GRIN2A: variants seen among roughly 807,000 people sequenced by gnomAD.
GRIN2A encodes glutamate receptor ionotropic, NMDA 2A.
Under a neutral mutation model 113.4 loss-of-function variants are expected in GRIN2A, and 22 were observed. The ratio of observed to expected loss-of-function variants is 0.19; its 90% CI spans 0.14 to 0.28. GRIN2A has a LOEUF of 0.28. Ranked by LOEUF, GRIN2A falls within the 10% of genes least tolerant of loss-of-function variation. GRIN2A has a pLI of 1.00. For synonymous variants in GRIN2A, 827 were observed against 738.4 expected, an observed-to-expected ratio of 1.12 and a Z score of -1.94; for missense variants, 1,502 against 1,887.0, an observed-to-expected ratio of 0.80 and a Z score of 3.78.
intron 5 of GRIN2A, among the ~76,000 whole-genome samples, chr16:9,841,908 T>C (rs565437022): frequency 6.6e-6 from 1 of 152,334 alleles, no homozygotes; most frequent in African/African-American, 2.4e-5. Flanking sequence ...TGTATTCACC[T>C]GAACAAGACA....
At chr16:10,023,386 G>C (rs1489743599) in intron 2 of GRIN2A, among the ~76,000 whole-genome samples, 2 of 152,132 alleles carry the variant, frequency 1.3e-5, no homozygotes, top group Non-Finnish European at 2.9e-5. Flanking sequence ...ATTCAGGTGT[G>C]GTTTTTACAA....
intron 11 of GRIN2A, among the ~76,000 whole-genome samples, chr16:9,788,802 G>C (rs1477198239): frequency 1.4e-5 from 2 of 147,674 alleles, no homozygotes; most frequent in Non-Finnish European, 3.0e-5. Flanking sequence ...GAGTGCAGTG[G>C]CGCGAACTCG....
At chr16:10,095,465 A>C (rs2048270186) in intron 2 of GRIN2A, among the ~76,000 whole-genome samples, 1 of 152,244 alleles carries the variant, frequency 6.6e-6, no homozygotes, top group African/African-American at 2.4e-5. Context: ...AAAGTATAAA[A>C]GTAAAAATAA....
At position 10,156,292 on chromosome 16, in the gene GRIN2A, G is replaced by A. The variant is rs2049693200; in HGVS notation, c.414+23706C>T. 2.0e-5 allele frequency among the ~76,000 whole-genome samples: 3 copies of A among 152,382 alleles called. No homozygotes were observed. The South Asian group carries it at 6.2e-4, about 32-fold the overall frequency. On this transcript the variant is annotated intron_variant, in intron 2 of 12. Transcript: ENST00000330684. ...ATGCTGGGCTGCCTGATCATCGCATGTGGTCAGCTGTGTAGCAGAATATAA... is the reference window on the plus strand; with the variant it reads ...ATGCTGGGCTGCCTGATCATCGCATATGGTCAGCTGTGTAGCAGAATATAA...
chr16:9,789,446 A>G lies in GRIN2A; in HGVS notation c.2356+8831T>C, dbSNP rs1055369660. 2.5e-4 allele frequency among the ~76,000 whole-genome samples: 38 copies of G among 152,216 alleles called. 1 individual carries two copies. The highest frequency in any genetic ancestry group is 9.1e-4 in the African/African-American group (38 of 41,538). Reference sequence around the variant, plus strand: ...ATCTGGTGGACATGGAAGAACCATGAGTTCTGACTTATGTTGCTGACTATT... The same window carrying G: ...ATCTGGTGGACATGGAAGAACCATGGGTTCTGACTTATGTTGCTGACTATT... On this transcript the variant is annotated intron_variant, in intron 11 of 12. Transcript: ENST00000330684.
intron 7 of GRIN2A, among the ~76,000 whole-genome samples, chr16:9,838,315 G>T (rs1433085475): frequency 6.6e-6 from 1 of 152,104 alleles, no homozygotes; most frequent in Admixed American, 6.6e-5. Flanking sequence ...CAAAGGAAAA[G>T]AAGTTATTAT....
intron 2 of GRIN2A, among the ~76,000 whole-genome samples, chr16:10,065,734 GC>G (rs1216747446): frequency 1.3e-5 from 2 of 152,168 alleles, no homozygotes; most frequent in Non-Finnish European, 2.9e-5. Flanking sequence ...TGAATGCTAA[GC>G]TGGAAGAGGA....
At chr16:9,913,429 C>T (rs951045379) in intron 3 of GRIN2A, among the ~76,000 whole-genome samples, 2 of 152,124 alleles carry the variant, frequency 1.3e-5, no homozygotes, top group Non-Finnish European at 2.9e-5. Flanking sequence ...TAGACATTTG[C>T]TACAACGCAT....
intron 12 of GRIN2A, 123 bp downstream of exon 12, chr16:9,768,728 T>C (rs1040795796): frequency 1.3e-6 from 1 of 791,428 alleles, no homozygotes; most frequent in Non-Finnish European, 2.3e-6. Flanking sequence ...CTGGATGCTC[T>C]TGTGACATGC....
intron 2 of GRIN2A, among the ~76,000 whole-genome samples, chr16:10,164,208 T>C (rs2049861165): frequency 1.3e-5 from 2 of 152,232 alleles, no homozygotes; most frequent in South Asian, 4.1e-4. Context: ...TAATATTTAC[T>C]GAATAAATGT....
intron 4 of GRIN2A, among the ~76,000 whole-genome samples, chr16:9,860,771 G>A (rs2043054328): frequency 6.6e-6 from 1 of 152,124 alleles, no homozygotes. Flanking sequence ...GAGATGGGCT[G>A]TAGGGGTGGG....
intron 2 of GRIN2A, among the ~76,000 whole-genome samples, chr16:10,014,996 G>A (rs1472958945): frequency 2.0e-5 from 3 of 152,120 alleles, no homozygotes; most frequent in African/African-American, 7.2e-5. Context: ...GCTCATGCCT[G>A]TAATCCCAGC....
In GRIN2A at chr16:9,938,107, T is replaced by G; in HGVS notation, c.859A>C (p.Ser287Arg). 6.2e-7 allele frequency: 1 copy of G among 1,614,080 alleles called. No individual in the cohort carries two copies. The highest frequency in any genetic ancestry group is 8.5e-7 in the Non-Finnish European group (1 of 1,179,966). The stretch of plus-strand genomic sequence containing the variant: ...CCGTCCCTCACTCTCGCCTCCAGGC[T>G]GTAGTCCCAGTCATCGTAGGAGACA... ...ISVSYDDWDY[S>R]LEARVRDGIG... Residue 287 changes from serine to arginine, a missense_variant, in exon 3 of 13, where the codon AGC becomes CGC. Ser to Arg is a moderately radical substitution (Grantham distance 110, BLOSUM62 -1). Coordinates refer to ENST00000330684, the MANE Select transcript of GRIN2A (RefSeq NM_001134407.3).
chr16:10,097,998 A>C (rs2142099992), intron 2 of GRIN2A, among the ~76,000 whole-genome samples: 1 of 152,352 alleles, frequency 6.6e-6, no homozygotes, highest in Non-Finnish European at 1.5e-5. Flanking sequence ...CAGCAGACTA[A>C]ATACACAACC....
intron 2 of GRIN2A, among the ~76,000 whole-genome samples, chr16:10,021,224 G>A (rs933552403): frequency 6.6e-6 from 1 of 152,302 alleles, no homozygotes; most frequent in Admixed American, 6.5e-5. Context: ...ATGAGACCTA[G>A]GTAGTGAATG....
At chr16:9,993,234 AAAAT>A (rs897854003) in intron 2 of GRIN2A, among the ~76,000 whole-genome samples, 22 of 151,762 alleles carry the variant, frequency 1.4e-4, no homozygotes, top group African/African-American at 4.6e-4. Flanking sequence ...CTCTGTCTCA[AAAAT>A]AAATAAATAA....
At chr16:9,855,795 C>G (rs1367231612) in intron 4 of GRIN2A, among the ~76,000 whole-genome samples, 3 of 152,136 alleles carry the variant, frequency 2.0e-5, no homozygotes, top group Non-Finnish European at 4.4e-5. Flanking sequence ...CAAGCTATCT[C>G]TAAAAAAGGT....
intron 2 of GRIN2A, among the ~76,000 whole-genome samples, chr16:10,010,276 C>T (rs1360483994): frequency 6.6e-6 from 1 of 152,214 alleles, no homozygotes; most frequent in Non-Finnish European, 1.5e-5. Context: ...AGAATCCTCA[C>T]CTAGGTGAGT....
At chr16:9,884,441 C>T (rs183869231) in intron 4 of GRIN2A, among the ~76,000 whole-genome samples, 87 of 152,018 alleles carry the variant, frequency 5.7e-4, no homozygotes, top group South Asian at 3.1e-3. Flanking sequence ...GCCAGCTATT[C>T]GGGAGGCTGA....
Sources: allele counts gnomAD v4.1 joint callset (sites outside exome capture counted in the v4.1 genomes callset), GRCh38; gene constraint gnomAD v4.1.1; transcripts MANE v1.5; gene names NCBI Gene and HGNC (gene_info 2026-07-23, HGNC 2026-07-21).